Variants in CACNA1I observed in about 807,000 individuals in gnomAD.
CACNA1I encodes the protein voltage-dependent T-type calcium channel subunit alpha-1I.
CACNA1I carries 74 observed loss-of-function variants against 201.6 expected under a neutral mutation model. The observed-to-expected ratio is 0.37, with a 90% CI of 0.30 to 0.45. The LOEUF (loss-of-function observed/expected upper bound fraction) is 0.45. Among genes scored for constraint, CACNA1I ranks in the 20% least tolerant of loss-of-function variants. CACNA1I has a pLI of 1.00. For synonymous variants in CACNA1I, 1,431 were observed against 1,345.2 expected, an observed-to-expected ratio of 1.06 and a Z score of -1.40; for missense variants, 2,346 against 3,138.1, an observed-to-expected ratio of 0.75 and a Z score of 6.03.
chr22:39,663,146 GC>G (rs1289543322), intron 18 of CACNA1I, among the ~76,000 whole-genome samples: 1 of 152,222 alleles, frequency 6.6e-6, no homozygotes, highest in African/African-American at 2.4e-5. Context: ...TCCCTCTGGG[GC>G]TAGGCGAGGA....
chr22:39,622,604 G>A (rs916531806), intron 4 of CACNA1I, among the ~76,000 whole-genome samples: 1 of 150,766 alleles, frequency 6.6e-6, no homozygotes, highest in Non-Finnish European at 1.5e-5. Context: ...GGTGTGGGGG[G>A]GGCGGTGGGG....
intron 18 of CACNA1I, 109 bp downstream of exon 18, chr22:39,662,985 G>T (rs1249428905): frequency 4.0e-6 from 3 of 744,268 alleles, no homozygotes; most frequent in Non-Finnish European, 6.9e-6. Flanking sequence ...AGACCACAGC[G>T]GACCCTCCCG....
At chr22:39,620,602 C>A (rs141076680) in intron 4 of CACNA1I, among the ~76,000 whole-genome samples, 1 of 152,296 alleles carries the variant, frequency 6.6e-6, no homozygotes, top group East Asian at 1.9e-4. Context: ...TGCCCAGGGA[C>A]GCACTGCCAG....
At chr22:39,639,300 T>C (rs1477028766) in intron 5 of CACNA1I, among the ~76,000 whole-genome samples, 1 of 152,244 alleles carries the variant, frequency 6.6e-6, no homozygotes, top group Non-Finnish European at 1.5e-5. Context: ...GTTGCTTGTC[T>C]TTTTACTTTG....
At chr22:39,647,705 C>T (rs1033106902) in intron 8 of CACNA1I, 117 bp from the exon 9 acceptor site, 1 of 726,960 alleles carries the variant, frequency 1.4e-6, no homozygotes, top group East Asian at 2.6e-5. Flanking sequence ...TGAGCCACCG[C>T]CCCTGGCCAA....
At chr22:39,595,380 T>A (rs1011231380) in intron 1 of CACNA1I, among the ~76,000 whole-genome samples, 2 of 151,896 alleles carry the variant, frequency 1.3e-5, no homozygotes, top group African/African-American at 4.8e-5. Context: ...TCCCAGCACT[T>A]TGGGAGGCCG....
intron 4 of CACNA1I, among the ~76,000 whole-genome samples, chr22:39,627,130 C>T (rs1001880603): frequency 3.3e-5 from 5 of 152,312 alleles, no homozygotes; most frequent in South Asian, 4.1e-4. Flanking sequence ...CACCCACTCC[C>T]GTCCCCAGTG....
At chr22:39,647,748 T>C (rs1934531840) in intron 8 of CACNA1I, 74 bp from the exon 9 acceptor site, 4 of 1,058,110 alleles carry the variant, frequency 3.8e-6, no homozygotes, top group South Asian at 1.3e-5. Context: ...GGGGCTGCCC[T>C]GTTGGTTGCC....
At chr22:39,604,651 T>C (rs1051648794) in intron 3 of CACNA1I, among the ~76,000 whole-genome samples, 1 of 152,038 alleles carries the variant, frequency 6.6e-6, no homozygotes, top group Non-Finnish European at 1.5e-5. Flanking sequence ...GATCACAGCT[T>C]ACTGCAGCCT....
At chr22:39,618,323 GTGAT>G (rs1933619611) in intron 3 of CACNA1I, among the ~76,000 whole-genome samples, 2 of 151,420 alleles carry the variant, frequency 1.3e-5, no homozygotes, top group South Asian at 4.2e-4. Flanking sequence ...GTGCGTGTGT[GTGAT>G]TGTGCAGGTG....
intron 1 of CACNA1I, among the ~76,000 whole-genome samples, chr22:39,585,366 T>C (rs895534049): frequency 1.3e-4 from 15 of 116,106 alleles, no homozygotes; most frequent in Admixed American, 1.1e-3. Context: ...CCCGGGCTTT[T>C]TTTCTTTCTT....
At chr22:39,603,912 T>C (rs1429259829) in intron 3 of CACNA1I, among the ~76,000 whole-genome samples, 1 of 152,210 alleles carries the variant, frequency 6.6e-6, no homozygotes, top group Non-Finnish European at 1.5e-5. Flanking sequence ...CATACATCTC[T>C]GCCAGATAAA....
At chr22:39,627,711 G>A (rs927774604) in intron 4 of CACNA1I, among the ~76,000 whole-genome samples, 1 of 152,196 alleles carries the variant, frequency 6.6e-6, no homozygotes, top group Non-Finnish European at 1.5e-5. Flanking sequence ...GTTTACTCTC[G>A]GCTTGGGGAG....
intron 1 of CACNA1I, among the ~76,000 whole-genome samples, chr22:39,596,898 G>A (rs924046853): frequency 6.6e-5 from 10 of 152,118 alleles, no homozygotes; most frequent in African/African-American, 1.9e-4. Flanking sequence ...CTGCATGAGA[G>A]CCCCTTTCTG....
chr22:39,662,518 C>A, intron 17 of CACNA1I, 83 bp downstream of exon 17: 2 of 1,089,622 alleles, frequency 1.8e-6, no homozygotes, highest in Non-Finnish European at 2.5e-6. Context: ...GGGGCCCGAG[C>A]GGGCGGGCCC....
intron 3 of CACNA1I, among the ~76,000 whole-genome samples, chr22:39,605,614 G>T (rs1048593431): frequency 6.6e-6 from 1 of 152,204 alleles, no homozygotes; most frequent in African/African-American, 2.4e-5. Flanking sequence ...TTGGAAAACA[G>T]AAATAAAACA....
intron 17 of CACNA1I, 125 bp downstream of exon 17, chr22:39,662,560 G>T (rs1038460149): frequency 1.4e-4 from 109 of 773,874 alleles, no homozygotes; most frequent in Non-Finnish European, 2.0e-4. Flanking sequence ...TGGCCGGAGC[G>T]GCTAGGGCTT....
chr22:39,665,398 A>G lies in CACNA1I; in HGVS notation c.3852-100A>G. The G allele has an allele frequency of 2.1e-6, 3 of 1,428,256 alleles. No homozygotes were observed. Among genetic ancestry groups the G allele is most frequent in the Non-Finnish European group, 2.9e-6 (3 of 1,045,128 alleles). The allele number at this position is 1,428,256 out of a possible 1,614,324, so 88.5% of individuals were successfully genotyped here. ...CAGCCCTGGTGAGCCCTGGGGACTCATGCCCTGGGATACTCAGCCCTGGTG... is the reference window on the plus strand; with the variant it reads ...CAGCCCTGGTGAGCCCTGGGGACTCGTGCCCTGGGATACTCAGCCCTGGTG... On this transcript the variant is annotated intron_variant, in intron 21 of 36. Transcript: ENST00000402142. This position sits in a 1 kb window ranked among gnomAD's most constrained non-coding sequence, Gnocchi z 5.5.
At chr22:39,611,220 T>C (rs1933378053) in intron 3 of CACNA1I, among the ~76,000 whole-genome samples, 1 of 152,160 alleles carries the variant, frequency 6.6e-6, no homozygotes, top group Non-Finnish European at 1.5e-5. Flanking sequence ...CCCATGATGG[T>C]GTTACATCCT....
Sources: allele counts gnomAD v4.1 joint callset (sites outside exome capture counted in the v4.1 genomes callset), GRCh38; gene constraint gnomAD v4.1.1; non-coding constraint Gnocchi (gnomAD v3.1); transcripts MANE v1.5; gene names NCBI Gene and HGNC (gene_info 2026-07-23, HGNC 2026-07-21).